The following AAAS variants were observed in gnomAD, a reference collection of about 807,000 sequenced individuals.
AAAS encodes the protein aladin WD repeat nucleoporin.
A neutral mutation model predicts 75.6 loss-of-function variants in AAAS; 60 were observed. The observed-to-expected ratio is 0.79, with a 90% CI of 0.64 to 0.98. The LOEUF (loss-of-function observed/expected upper bound fraction) is 0.98. AAAS is among the 50% of genes least tolerant of loss of function. AAAS has a pLI of 0.00. For synonymous variants in AAAS, 271 were observed against 265.0 expected, an observed-to-expected ratio of 1.02 and a Z score of -0.22; for missense variants, 658 against 686.9, an observed-to-expected ratio of 0.96 and a Z score of 0.47.
intron 11 of AAAS, 58 bp from the exon 12 acceptor site, chr12:53,308,586 C>T: frequency 6.2e-7 from 1 of 1,608,934 alleles, no homozygotes; most frequent in Non-Finnish European, 8.5e-7. Flanking sequence ...CACTGGTCCC[C>T]TGCCAGCTCA....
At position 53,309,667 on chromosome 12, in the gene AAAS, G is replaced by A; in HGVS notation, c.744C>T (p.Thr248=). The part of the protein sequence containing the change: ...VLSHPGHTPV[T]SLAWAPSGGR... ...CCCCACTGGGGGCCCAGGCCAAGCT[G>A]GTAACAGGTGTATGCCCAGGGTGAG... Residue 248 remains threonine, a synonymous_variant, in exon 8 of 16, where the codon ACC becomes ACT. Transcript: ENST00000209873. The A allele has an allele frequency of 1.2e-6, 2 of 1,613,470 alleles. No individual in the cohort carries two copies. The highest frequency in any genetic ancestry group is 1.7e-6 in the Non-Finnish European group (2 of 1,179,872).
Position 53,321,277 on chromosome 12 carries a change from C to T in AAAS, c.123+66G>A, listed in dbSNP as rs1211232604. The T allele has an allele frequency of 8.2e-6, 13 of 1,588,876 alleles. No individual in the cohort carries two copies. In the South Asian group the frequency reaches 1.5e-4, roughly 18 times the overall value. On this transcript the variant is annotated intron_variant, in intron 1 of 15. Coordinates refer to ENST00000209873, the MANE Select transcript of AAAS (RefSeq NM_015665.6). ...GACCCTGCCCCTGTCACACTGCCTC[C>T]TTTCCCCAGTAGTCCCCGACTCCGC...
intron 14 of AAAS, 50 bp downstream of exon 14, chr12:53,308,002 G>T (rs375015186): frequency 5.1e-5 from 83 of 1,612,852 alleles, no homozygotes; most frequent in Non-Finnish European, 6.2e-5. Context: ...GTTTGTTTGT[G>T]CAGGAAGGCT....
chr12:53,316,831 G>A (rs1348672422), intron 2 of AAAS, among the ~76,000 whole-genome samples: 2 of 150,184 alleles, frequency 1.3e-5, no homozygotes, highest in African/African-American at 2.5e-5. Context: ...CTCAACCCTA[G>A]CACTTTGGGA....
At chr12:53,309,960 C>A (rs1352115316) in intron 7 of AAAS, 6 of 598,900 alleles carry the variant, frequency 1.0e-5, no homozygotes, top group Non-Finnish European at 1.5e-5. Flanking sequence ...GGTCTCAGGC[C>A]AGGGTGAAAG....
chr12:53,320,445 A>C, intron 2 of AAAS, 120 bp downstream of exon 2: 1 of 1,374,984 alleles, frequency 7.3e-7, no homozygotes, highest in Non-Finnish European at 1.0e-6. Context: ...TAGGATATAC[A>C]GCTCTCGTGG....
At chr12:53,318,249 T>TGTGTGTGTGC (rs1555191463) in intron 2 of AAAS, among the ~76,000 whole-genome samples, 2,452 of 140,596 alleles carry the variant, frequency 0.017, 30 homozygotes, top group South Asian at 0.052. Flanking sequence ...TGTGTGCGTG[T>TGTGTGTGTGC]GTGTGTGTGT....
intron 8 of AAAS, 87 bp downstream of exon 8, chr12:53,309,514 C>G (rs1944352511): frequency 1.2e-6 from 2 of 1,605,154 alleles, no homozygotes; most frequent in East Asian, 2.2e-5. Context: ...CAAGGTCCCT[C>G]CTCCTTCCCC....
At chr12:53,316,817 G>A (rs1944470202) in intron 2 of AAAS, among the ~76,000 whole-genome samples, 1 of 148,350 alleles carries the variant, frequency 6.7e-6, no homozygotes, top group African/African-American at 2.5e-5. Context: ...TCCAGGTGCA[G>A]TGGCTCAACC....
At chr12:53,314,199 T>A in intron 7 of AAAS, 99 bp downstream of exon 7, 1 of 1,536,154 alleles carries the variant, frequency 6.5e-7, no homozygotes, top group Non-Finnish European at 9.0e-7. Flanking sequence ...GGAAGTGCTG[T>A]GAGGACAAAG....
intron 15 of AAAS, 36 bp downstream of exon 15, chr12:53,307,809 C>T: frequency 6.2e-7 from 1 of 1,613,452 alleles, no homozygotes; most frequent in Non-Finnish European, 8.5e-7. Flanking sequence ...CTTCTCCATC[C>T]AACTCCTGGA....
At chr12:53,315,168 C>T in intron 4 of AAAS, 28 bp from the exon 5 acceptor site, 2 of 1,613,904 alleles carry the variant, frequency 1.2e-6, no homozygotes, top group Non-Finnish European at 1.7e-6. Flanking sequence ...ACACAGGACA[C>T]ACTGGGGCAA....
At chr12:53,307,769 G>C in intron 15 of AAAS, 56 bp from the exon 16 acceptor site, 1 of 1,612,868 alleles carries the variant, frequency 6.2e-7, no homozygotes, top group African/African-American at 1.3e-5. Context: ...GGGCCACCTG[G>C]CAGAGCCATA....
chr12:53,321,582 CA>C lies in AAAS; in HGVS notation c.-118del. 14 of 1,561,444 alleles carry C rather than the reference CA, an allele frequency of 9.0e-6. No individual in the cohort carries two copies. The highest frequency in any genetic ancestry group is 1.1e-5 in the Non-Finnish European group (13 of 1,144,744). ...GTATGCGGACGGGTACCGCAAGGGA[CA>C]AACGGCGAGGCGGAACTCAACGGAA... is the stretch of plus-strand genomic sequence containing the variant. On this transcript the variant is annotated 5_prime_UTR_variant, in exon 1 of 16. Transcript: ENST00000209873.
chr12:53,315,935 C>T (rs559679784), intron 2 of AAAS, among the ~76,000 whole-genome samples, 153 bp from the exon 3 acceptor site: 1 of 152,270 alleles, frequency 6.6e-6, no homozygotes, highest in East Asian at 1.9e-4. Context: ...GCTGTCCTTT[C>T]ATTTACATAT....
intron 2 of AAAS, among the ~76,000 whole-genome samples, chr12:53,317,032 G>A (rs904347853): frequency 2.0e-5 from 3 of 152,006 alleles, no homozygotes; most frequent in African/African-American, 4.8e-5. Context: ...GCAGTGAGCC[G>A]TGTTCCATGT....
intron 7 of AAAS, 150 bp from the exon 8 acceptor site, chr12:53,309,871 A>C: frequency 2.4e-6 from 3 of 1,259,664 alleles, no homozygotes; most frequent in Non-Finnish European, 3.3e-6. Context: ...GGATTGTGAA[A>C]GTTAAAAGAA....
chr12:53,308,400 C>T (rs1207051754), intron 12 of AAAS, 35 bp downstream of exon 12: 1 of 1,614,160 alleles, frequency 6.2e-7, no homozygotes, highest in Non-Finnish European at 8.5e-7. Flanking sequence ...CTCCCACCTG[C>T]TTTTCACTGC....
intron 7 of AAAS, among the ~76,000 whole-genome samples, chr12:53,313,608 A>G (rs371129417): frequency 5.5e-5 from 8 of 146,548 alleles, no homozygotes; most frequent in East Asian, 4.0e-4. Flanking sequence ...GCCTTTATTC[A>G]TAATTTTTTT....
Sources: allele counts gnomAD v4.1 joint callset (sites outside exome capture counted in the v4.1 genomes callset), GRCh38; gene constraint gnomAD v4.1.1; transcripts MANE v1.5; gene names NCBI Gene and HGNC (gene_info 2026-07-23, HGNC 2026-07-21).